The following ADCK1 variants were observed in gnomAD, a reference collection of about 807,000 sequenced individuals.
The protein encoded by ADCK1 is aarF domain containing kinase 1.
In ADCK1, 41 loss-of-function variants were observed where a neutral mutation model predicts 52.3. That is an observed-to-expected ratio of 0.78 (90% CI 0.61 to 1.02). ADCK1 has a LOEUF of 1.02. Ranked by LOEUF, ADCK1 falls within the 50% of genes least tolerant of loss-of-function variation. The pLI is 0.00. For missense variants in ADCK1, 658 were observed against 679.5 expected, an observed-to-expected ratio of 0.97 and a Z score of 0.35; for synonymous variants, 250 against 274.6, an observed-to-expected ratio of 0.91 and a Z score of 0.89.
At chr14:77,842,907 T>A (rs1449048867) in intron 3 of ADCK1, among the ~76,000 whole-genome samples, 2 of 139,878 alleles carry the variant, frequency 1.4e-5, no homozygotes, top group Admixed American at 7.0e-5. Flanking sequence ...TTTTTTTTTT[T>A]AAGACTAGGT....
intron 10 of ADCK1, among the ~76,000 whole-genome samples, chr14:77,932,025 T>C (rs2084353071): frequency 6.6e-6 from 1 of 152,084 alleles, no homozygotes; most frequent in African/African-American, 2.4e-5. Flanking sequence ...ATCTCAGATC[T>C]TTTTATTTAT....
intron 1 of ADCK1, among the ~76,000 whole-genome samples, chr14:77,804,506 CAG>C (rs1566618970): frequency 3.3e-5 from 5 of 151,796 alleles, no homozygotes; most frequent in African/African-American, 1.2e-4. Context: ...ACTTCCCACC[CAG>C]AGGTGGTCTC....
intron 3 of ADCK1, among the ~76,000 whole-genome samples, chr14:77,845,080 G>T (rs2082149544): frequency 6.6e-6 from 1 of 152,222 alleles, no homozygotes; most frequent in East Asian, 1.9e-4. Context: ...GTTCAGGATT[G>T]CATAAGTAGG....
chr14:77,843,285 C>A (rs1324690275), intron 3 of ADCK1, among the ~76,000 whole-genome samples: 1 of 152,184 alleles, frequency 6.6e-6, no homozygotes, highest in Non-Finnish European at 1.5e-5. Context: ...AGGCCTGTGG[C>A]CTGAGCAAGC....
intron 9 of ADCK1, among the ~76,000 whole-genome samples, chr14:77,927,426 C>T (rs2084223764): frequency 6.6e-6 from 1 of 152,148 alleles, no homozygotes; most frequent in African/African-American, 2.4e-5. Context: ...ACCCATAGTT[C>T]CTGAAGTTCG....
intron 3 of ADCK1, among the ~76,000 whole-genome samples, chr14:77,850,972 T>C (rs1449070616): frequency 6.6e-6 from 1 of 152,092 alleles, no homozygotes; most frequent in African/African-American, 2.4e-5. Flanking sequence ...TCTTTTTTTT[T>C]ATCCTTCTAT....
chr14:77,823,993 G>A (rs1029802408), intron 3 of ADCK1, among the ~76,000 whole-genome samples: 2 of 152,070 alleles, frequency 1.3e-5, no homozygotes, highest in Admixed American at 6.6e-5. Context: ...CCATCTCCCA[G>A]GTTTAAGTGC....
intron 3 of ADCK1, among the ~76,000 whole-genome samples, chr14:77,844,259 T>C (rs1199685529): frequency 1.3e-5 from 2 of 152,106 alleles, no homozygotes; most frequent in African/African-American, 4.8e-5. Context: ...TATTTTTGTA[T>C]ATTACTAGAG....
At position 77,873,396 on chromosome 14, in the gene ADCK1, T is replaced by G. The variant is rs537905968; in HGVS notation, c.424-13695T>G. Among the ~76,000 whole-genome samples the G allele has an allele frequency of 3.9e-5, 6 of 152,298 alleles. No individual in the cohort carries two copies. The South Asian group carries it at 1.2e-3, about 32-fold the overall frequency. ...ATGGGAGGCCCTGTTCAAGGGGAGC[T>G]CATCAGTGGCTTTACCTGTGCCACT... On this transcript the variant is annotated intron_variant, in intron 4 of 10. Transcript: ENST00000238561.
At chr14:77,820,420 TC>T (rs1279114217) in intron 2 of ADCK1, among the ~76,000 whole-genome samples, 1 of 151,848 alleles carries the variant, frequency 6.6e-6, no homozygotes, top group Non-Finnish European at 1.5e-5. Flanking sequence ...AACCTCCACC[TC>T]CTGGGATCAA....
rs1019362882 is a variant in ADCK1, at chr14:77,830,465, T to A, written c.219+7947T>A. Among the ~76,000 whole-genome samples the A allele has an allele frequency of 1.2e-4, 18 of 151,158 alleles. 1 individual carries two copies. The highest frequency in any genetic ancestry group is 2.1e-4 in the Non-Finnish European group (14 of 67,534). ...CCACCGTGCCTCGCCAATTTTTTTT[T>A]TAATTAAATATGAGACAGAGTCTTG... On this transcript the variant is annotated intron_variant, in intron 3 of 10. Coordinates refer to ENST00000238561, the MANE Select transcript of ADCK1 (RefSeq NM_020421.4).
At chr14:77,848,618 A>T (rs2082218722) in intron 3 of ADCK1, among the ~76,000 whole-genome samples, 1 of 152,054 alleles carries the variant, frequency 6.6e-6, no homozygotes, top group Admixed American at 6.6e-5. Context: ...GGCACGTGCC[A>T]CCATGCCTGG....
chr14:77,933,504 A>G lies in ADCK1; in HGVS notation c.*113A>G. The G allele has an allele frequency of 7.6e-7, 1 of 1,320,392 alleles. No individual in the cohort carries two copies. The highest frequency in any genetic ancestry group is 1.1e-6 in the Non-Finnish European group (1 of 933,610). 81.8% of individuals were successfully genotyped at this position (1,320,392 alleles called of 1,614,324 possible). A position where few individuals can be genotyped will look rare whatever the true frequency, so the allele number is the denominator to read the frequency against. On this transcript the variant is annotated 3_prime_UTR_variant, in exon 11 of 11. Transcript: ENST00000238561. ...CATCGTGGCCCGCAGCCCCAGAGTC[A>G]CTGTCCATGTCACCATCCTTCTCCT...
chr14:77,895,575 T>C (rs2083391344), intron 5 of ADCK1, among the ~76,000 whole-genome samples: 1 of 152,238 alleles, frequency 6.6e-6, no homozygotes, highest in South Asian at 2.1e-4. Flanking sequence ...TGTTTTATTT[T>C]AGTTGATTGC....
chr14:77,821,681 G>A lies in ADCK1; in HGVS notation c.136-754G>A, dbSNP rs2081585473. Among the ~76,000 whole-genome samples the A allele has an allele frequency of 1.3e-5, 2 of 151,990 alleles. 1 individual carries two copies. The highest frequency in any genetic ancestry group is 4.2e-4 in the South Asian group (2 of 4,814). Reference sequence around the variant, plus strand: ...GGATCGCCTGAGGTCAGGAGTTCGAGACCAGCCTGGTCAACATGGCGAAAT... The same window carrying A: ...GGATCGCCTGAGGTCAGGAGTTCGAAACCAGCCTGGTCAACATGGCGAAAT... On this transcript the variant is annotated intron_variant, in intron 2 of 10. Coordinates refer to ENST00000238561, the MANE Select transcript of ADCK1 (RefSeq NM_020421.4).
chr14:77,910,185 C>A (rs1187528684), intron 7 of ADCK1, among the ~76,000 whole-genome samples: 2 of 152,038 alleles, frequency 1.3e-5, no homozygotes, highest in African/African-American at 4.8e-5. Context: ...TCTGTTTTAC[C>A]CAGGGCAGCT....
intron 7 of ADCK1, among the ~76,000 whole-genome samples, chr14:77,918,133 C>T (rs551287766): frequency 1.3e-5 from 2 of 152,272 alleles, no homozygotes; most frequent in African/African-American, 4.8e-5. Context: ...TCATGCTGGA[C>T]CCCTGTCAAC....
intron 3 of ADCK1, among the ~76,000 whole-genome samples, chr14:77,823,862 GTGC>G (rs376840141): frequency 9.9e-5 from 15 of 151,080 alleles, no homozygotes; most frequent in African/African-American, 2.9e-4. Flanking sequence ...GTGAGCCACT[GTGC>G]CAGGCCTGTT....
chr14:77,880,843 T>A (rs2083007004), intron 4 of ADCK1, among the ~76,000 whole-genome samples: 2 of 152,256 alleles, frequency 1.3e-5, no homozygotes, highest in African/African-American at 2.4e-5. Context: ...AAGTACACCC[T>A]ATGTAATTAA....
Sources: allele counts gnomAD v4.1 joint callset (sites outside exome capture counted in the v4.1 genomes callset), GRCh38; gene constraint gnomAD v4.1.1; transcripts MANE v1.5; gene names NCBI Gene and HGNC (gene_info 2026-07-23, HGNC 2026-07-21).